The following AK7 variants were observed in gnomAD, a reference collection of about 807,000 sequenced individuals.
AK7 encodes adenylate kinase 7.
Under a neutral mutation model 96.6 loss-of-function variants are expected in AK7, and 78 were observed. That is an observed-to-expected ratio of 0.81 (90% CI 0.67 to 0.97). The LOEUF (loss-of-function observed/expected upper bound fraction) is 0.97, where lower values mean the gene tolerates loss of function less well. Ranked by LOEUF, AK7 falls within the 50% of genes least tolerant of loss-of-function variation. The pLI is 0.00. For synonymous variants in AK7, 302 were observed against 317.2 expected (o/e 0.95, Z 0.51); for missense variants, 855 against 887.9 (o/e 0.96, Z 0.47).
intron 12 of AK7, among the ~76,000 whole-genome samples, chr14:96,463,803 A>G (rs977109891): frequency 6.6e-6 from 1 of 152,052 alleles, no homozygotes; most frequent in Non-Finnish European, 1.5e-5. Flanking sequence ...AACTGAGGTA[A>G]CACAATGATA....
At chr14:96,459,303 A>G (rs1175769436) in intron 12 of AK7, among the ~76,000 whole-genome samples, 4 of 151,974 alleles carry the variant, frequency 2.6e-5, no homozygotes, top group Non-Finnish European at 1.5e-5. Flanking sequence ...GTGCCACTGC[A>G]CTCCAGTCTG....
chr14:96,432,206 T>TA (rs1392479955), intron 5 of AK7, among the ~76,000 whole-genome samples: 1 of 131,570 alleles, frequency 7.6e-6, no homozygotes, highest in Non-Finnish European at 1.5e-5. Flanking sequence ...CCCCTGCTTT[T>TA]TTTTTTTTTT....
chr14:96,478,385 A>G, intron 14 of AK7, 80 bp from the exon 15 acceptor site: 8 of 1,445,350 alleles, frequency 5.5e-6, no homozygotes. Context: ...GCTGGTAACC[A>G]GGGGGCCATG....
intron 12 of AK7, among the ~76,000 whole-genome samples, chr14:96,458,998 T>G (rs1894106522): frequency 6.6e-6 from 1 of 151,082 alleles, no homozygotes; most frequent in South Asian, 2.1e-4. Context: ...GTTAACATTT[T>G]GGTGATGATC....
At chr14:96,406,585 G>A (rs1029553679) in intron 3 of AK7, among the ~76,000 whole-genome samples, 2 of 152,200 alleles carry the variant, frequency 1.3e-5, no homozygotes, top group South Asian at 2.1e-4. Context: ...CACCTGGGGG[G>A]TATGGGGTTG....
At chr14:96,408,965 T>G (rs775071247) in intron 4 of AK7, 24 bp downstream of exon 4, 95 of 1,610,372 alleles carry the variant, frequency 5.9e-5, no homozygotes, top group Non-Finnish European at 7.9e-5. Flanking sequence ...TAGCTTTCCT[T>G]TAGGTAACAT....
chr14:96,430,334 C>A (rs1357890377), intron 5 of AK7, among the ~76,000 whole-genome samples: 1 of 151,788 alleles, frequency 6.6e-6, no homozygotes. Context: ...TACAGGCGCC[C>A]GCCACTACGC....
intron 16 of AK7, among the ~76,000 whole-genome samples, chr14:96,484,843 C>T (rs1225196564): frequency 6.6e-6 from 1 of 152,162 alleles, no homozygotes; most frequent in Non-Finnish European, 1.5e-5. Context: ...TTGTTCACTA[C>T]CATATATCCA....
chr14:96,422,216 G>C (rs1005596698), intron 5 of AK7, among the ~76,000 whole-genome samples: 1 of 152,212 alleles, frequency 6.6e-6, no homozygotes, highest in Non-Finnish European at 1.5e-5. Flanking sequence ...CAGAAGTACA[G>C]TATACAGGGA....
chr14:96,420,736 G>A, intron 4 of AK7, 86 bp from the exon 5 acceptor site: 4 of 935,572 alleles, frequency 4.3e-6, no homozygotes, highest in Non-Finnish European at 6.5e-6. Context: ...AGCTTTATTT[G>A]AGCTTAAAGG....
intron 14 of AK7, among the ~76,000 whole-genome samples, chr14:96,477,820 CT>C (rs1253831419): frequency 6.6e-6 from 1 of 152,176 alleles, no homozygotes; most frequent in Non-Finnish European, 1.5e-5. Context: ...ATTTGGCAAA[CT>C]GGCCATCAAA....
intron 10 of AK7, among the ~76,000 whole-genome samples, chr14:96,454,728 A>T (rs868219955): frequency 5.4e-5 from 8 of 149,328 alleles, no homozygotes; most frequent in Middle Eastern, 3.3e-3. Flanking sequence ...CGTTTTTTGT[A>T]GAGAGGGGGA....
At chr14:96,398,298 A>T in intron 2 of AK7, 35 bp downstream of exon 2, 1 of 1,607,684 alleles carries the variant, frequency 6.2e-7, no homozygotes, top group Non-Finnish European at 8.5e-7. Flanking sequence ...GAGTAGACAG[A>T]GGGAAGAGTC....
At chr14:96,445,134 C>T (rs1029067361) in intron 7 of AK7, among the ~76,000 whole-genome samples, 1 of 152,210 alleles carries the variant, frequency 6.6e-6, no homozygotes, top group Non-Finnish European at 1.5e-5. Flanking sequence ...TTCTGCCTAT[C>T]AAACTACCCG....
chr14:96,409,392 C>T (rs374111566), intron 4 of AK7, among the ~76,000 whole-genome samples: 4 of 152,096 alleles, frequency 2.6e-5, no homozygotes, highest in African/African-American at 9.6e-5. Flanking sequence ...GCCAACATGG[C>T]GAAACCCTGT....
chr14:96,469,605 C>A (rs540051562), intron 12 of AK7, among the ~76,000 whole-genome samples: 6 of 152,150 alleles, frequency 3.9e-5, no homozygotes, highest in Admixed American at 3.9e-4. Flanking sequence ...TTTTATTTGG[C>A]TTCATTTCTT....
intron 2 of AK7, among the ~76,000 whole-genome samples, chr14:96,404,150 TA>T (rs34091316): frequency 0.33 from 32,731 of 99,888 alleles, 3,822 homozygotes; most frequent in South Asian, 0.49. Flanking sequence ...TGTCTCAAAT[TA>T]AAAAAAAAAA....
At chr14:96,446,297 A>G (rs1205582190) in intron 7 of AK7, among the ~76,000 whole-genome samples, 1 of 152,144 alleles carries the variant, frequency 6.6e-6, no homozygotes, top group African/African-American at 2.4e-5. Context: ...CACTTTCGCA[A>G]TAGCTCTTCA....
Position 96,404,832 on chromosome 14 carries a change from C to T in AK7, c.370C>T (p.Gln124Ter). 1 of 1,610,544 alleles carries T rather than the reference C, an allele frequency of 6.2e-7. No individual in the cohort carries two copies. ...TATTTATAACATCACTGAGAGCTCA[C>T]AGCAAATGGAGGAAGCCATCTGGGC... Reference protein sequence around the residue: ...VIIYNITESSQQMEEAIWAVS... With the variant: ...VIIYNITESS Residue 124 changes from glutamine (Q) to a stop codon, truncating the protein, a stop_gained, in exon 3 of 18, where the codon CAG becomes TAG. Transcript: ENST00000267584. LOFTEE classifies it high-confidence loss of function.
Sources: gnomAD v4.1 joint callset for allele counts (sites outside exome capture counted in the v4.1 genomes callset) on GRCh38, gnomAD v4.1.1 for gene constraint, MANE v1.5 for transcripts, NCBI Gene and HGNC (gene_info 2026-07-23, HGNC 2026-07-21) for gene names.